The following RNF128 variants were observed in gnomAD, a reference collection of about 807,000 sequenced individuals.
The protein encoded by RNF128 is E3 ubiquitin-protein ligase RNF128.
A neutral mutation model predicts 26.2 loss-of-function variants in RNF128; 13 were observed. That is an observed-to-expected ratio of 0.50 (90% CI 0.32 to 0.79). The LOEUF (loss-of-function observed/expected upper bound fraction) is 0.79, where lower values mean the gene tolerates loss of function less well. RNF128 is among the 30% of genes least tolerant of loss of function. The probability of loss-of-function intolerance (pLI) is 0.03; values close to 1 mark genes in which losing one functional copy is unlikely to be tolerated. For synonymous variants in RNF128, 149 were observed against 142.5 expected (o/e 1.05, Z -0.32); for missense variants, 315 against 349.7 (o/e 0.90, Z 0.79).
chrX:106,764,234 G>T (rs1244955579), intron 1 of RNF128, among the ~76,000 whole-genome samples: 1 of 109,712 alleles, frequency 9.1e-6, no homozygotes, highest in Non-Finnish European at 1.9e-5. Flanking sequence ...CAAAGTGCTG[G>T]AATTACAGGC....
intron 1 of RNF128, among the ~76,000 whole-genome samples, chrX:106,766,070 A>G (rs1281518163): frequency 3.6e-5 from 4 of 111,621 alleles, no homozygotes; most frequent in African/African-American, 1.3e-4. Flanking sequence ...GCTGCATAGT[A>G]TTCCATGGTA....
At chrX:106,747,031 G>T (rs951865011) in intron 1 of RNF128, among the ~76,000 whole-genome samples, 18 of 111,653 alleles carry the variant, frequency 1.6e-4, no homozygotes, top group African/African-American at 5.5e-4. Flanking sequence ...TGACTAAATT[G>T]TCAAATACAA....
intron 1 of RNF128, among the ~76,000 whole-genome samples, chrX:106,770,727 C>T (rs761813737): frequency 9.0e-6 from 1 of 111,385 alleles, no homozygotes; most frequent in African/African-American, 3.3e-5. Flanking sequence ...TTGTTATTAC[C>T]GATCATCTGA....
At chrX:106,697,938 A>G (rs753808109) in intron 1 of RNF128, among the ~76,000 whole-genome samples, 35 of 108,442 alleles carry the variant, frequency 3.2e-4, no homozygotes, top group Non-Finnish European at 5.1e-4. Context: ...ATATATGTAT[A>G]TATACATATA....
At chrX:106,758,134 A>G (rs1930058178) in intron 1 of RNF128, among the ~76,000 whole-genome samples, 1 of 112,524 alleles carries the variant, frequency 8.9e-6, no homozygotes, top group South Asian at 3.6e-4. Flanking sequence ...TCTAGATGCC[A>G]ATGGCACACA....
intron 1 of RNF128, among the ~76,000 whole-genome samples, chrX:106,746,205 T>C (rs1055134513): frequency 9.0e-6 from 1 of 110,779 alleles, no homozygotes; most frequent in Non-Finnish European, 1.9e-5. Context: ...TTATTCTCAT[T>C]GTGAATAACC....
chrX:106,726,072 T>C (rs1929386826), upstream of RNF128, among the ~76,000 whole-genome samples: 1 of 112,620 alleles, frequency 8.9e-6, no homozygotes, highest in Admixed American at 9.4e-5. Context: ...GGCTTGGTTC[T>C]GAGGTGTGTG....
At chrX:106,739,843 G>A (rs1284918626) in intron 1 of RNF128, among the ~76,000 whole-genome samples, 2 of 111,284 alleles carry the variant, frequency 1.8e-5, no homozygotes, top group Non-Finnish European at 3.8e-5. Flanking sequence ...GATACCAAAA[G>A]TCATGCAGAG....
Position 106,795,778 on chromosome X carries a change from C to A in RNF128, c.*65C>A, listed in dbSNP as rs1384205997. 4.3e-6 allele frequency: 4 copies of A among 921,190 alleles called. No homozygotes were observed. In the Admixed American group the frequency reaches 1.3e-4, roughly 30 times the overall value. The allele number at this position is 921,190 out of a possible 1,213,427, so 75.9% of individuals were successfully genotyped here. On this transcript the variant is annotated 3_prime_UTR_variant, in exon 7 of 7. Transcript: ENST00000255499. ...AGAACTGCCAATCAGGGCCTAGTTT[C>A]TATTAATAAATTGGATAAATTTAAT...
At chrX:106,738,536 G>A (rs1477679723) in intron 1 of RNF128, among the ~76,000 whole-genome samples, 4 of 111,687 alleles carry the variant, frequency 3.6e-5, no homozygotes, top group African/African-American at 1.3e-4. Context: ...AAACTGAAAC[G>A]ACTATATTAT....
chrX:106,795,521 T>C (rs1930899176), intron 6 of RNF128, 59 bp from the exon 7 acceptor site: 2 of 1,087,541 alleles, frequency 1.8e-6, no homozygotes, highest in African/African-American at 1.9e-5. Context: ...AAATGTTGAA[T>C]TTTGTCTTAA....
intron 1 of RNF128, among the ~76,000 whole-genome samples, chrX:106,733,918 C>T (rs1929544110): frequency 9.0e-6 from 1 of 111,531 alleles, no homozygotes; most frequent in South Asian, 3.7e-4. Context: ...CCAGGCTGGT[C>T]TCTAACGCCT....
chrX:106,699,637 C>T (rs1364333939), intron 1 of RNF128, among the ~76,000 whole-genome samples: 1 of 112,040 alleles, frequency 8.9e-6, no homozygotes, highest in Non-Finnish European at 1.9e-5. Flanking sequence ...CTCAGAACTC[C>T]CCAGTGACTT....
At position 106,794,599 on chromosome X, in the gene RNF128, A is replaced by G. The variant is rs752354004; in HGVS notation, c.1154-981A>G. ...AGGAGGCCTTTTACTGGAGAATAGT[A>G]TTTCAAAACCAGGATCTGAGCAACG... On this transcript the variant is annotated intron_variant, in intron 6 of 6. Transcript: ENST00000255499. Among the ~76,000 whole-genome samples, 27 of 111,014 alleles carry G rather than the reference A, an allele frequency of 2.4e-4. No homozygotes were observed. In the South Asian group the frequency reaches 0.01, roughly 41 times the overall value.
intron 1 of RNF128, among the ~76,000 whole-genome samples, chrX:106,755,449 A>G (rs1028969596): frequency 9.0e-5 from 10 of 110,979 alleles, no homozygotes; most frequent in Admixed American, 3.9e-4. Context: ...AGACAAAGAC[A>G]TATCGAAAAA....
intron 6 of RNF128, among the ~76,000 whole-genome samples, chrX:106,792,008 C>T (rs374255156): frequency 1.5e-4 from 17 of 111,031 alleles, no homozygotes; most frequent in African/African-American, 5.6e-4. Context: ...ACTTATGAAA[C>T]TTTCAGCTTC....
intron 1 of RNF128, among the ~76,000 whole-genome samples, chrX:106,766,142 T>A (rs1930230812): frequency 8.9e-6 from 1 of 112,083 alleles, no homozygotes; most frequent in African/African-American, 3.2e-5. Flanking sequence ...TGGTTCCAAG[T>A]CTATGCTATT....
chrX:106,742,227 A>G lies in RNF128; in HGVS notation c.484+14830A>G, dbSNP rs1158021065. ...ATGTGAAGTACATTACATACTGAGG[A>G]AAACAAAATAATTCTATTGGCAGAG... On this transcript the variant is annotated intron_variant, in intron 1 of 6. Coordinates refer to ENST00000255499, the MANE Select transcript of RNF128 (RefSeq NM_194463.2). Among the ~76,000 whole-genome samples, 5 of 112,092 alleles carry G rather than the reference A, an allele frequency of 4.5e-5. No individual in the cohort carries two copies. The South Asian group carries it at 1.5e-3, about 33-fold the overall frequency.
chrX:106,735,562 T>C (rs1929581743), intron 1 of RNF128, among the ~76,000 whole-genome samples: 1 of 111,796 alleles, frequency 8.9e-6, no homozygotes, highest in Non-Finnish European at 1.9e-5. Flanking sequence ...ATGTTTTACT[T>C]TTATAATCAG....
Sources: gnomAD v4.1 joint callset for allele counts (sites outside exome capture counted in the v4.1 genomes callset) on GRCh38, gnomAD v4.1.1 for gene constraint, MANE v1.5 for transcripts, NCBI Gene and HGNC (gene_info 2026-07-23, HGNC 2026-07-21) for gene names.